BMP1: variants seen among roughly 807,000 people sequenced by gnomAD.
The protein encoded by BMP1 is mammalian tolloid protein.
A neutral mutation model predicts 116.8 loss-of-function variants in BMP1; 63 were observed. The ratio of observed to expected loss-of-function variants is 0.54; its 90% confidence interval spans 0.44 to 0.67. BMP1 has a LOEUF of 0.67. Among genes scored for constraint, BMP1 ranks in the 30% least tolerant of loss-of-function variants. BMP1 has a pLI of 0.00. For synonymous variants in BMP1, 536 were observed against 533.4 expected (o/e 1.00, Z -0.07); for missense variants, 1,183 against 1,358.9 (o/e 0.87, Z 2.04).
chr8:22,196,143 A>G (rs775098712), intron 13 of BMP1: 8 of 500,854 alleles, frequency 1.6e-5, no homozygotes, highest in South Asian at 8.8e-5. Context: ...TTTGTAAATG[A>G]CCATCTTGAC....
chr8:22,211,538 G>T, intron 19 of BMP1, 56 bp from the exon 20 acceptor site: 1 of 1,609,830 alleles, frequency 6.2e-7, no homozygotes, highest in Non-Finnish European at 8.5e-7. Flanking sequence ...TGGGGAGGCA[G>T]GACAGCAGCC....
intron 9 of BMP1, 199 bp downstream of exon 9, chr8:22,192,350 C>A (rs1828959548): frequency 3.9e-6 from 2 of 514,818 alleles, no homozygotes; most frequent in Non-Finnish European, 7.1e-6. Context: ...GTCCTGTCCT[C>A]AATCTGGACT....
chr8:22,174,140 G>A (rs190991745), intron 2 of BMP1, among the ~76,000 whole-genome samples: 2 of 152,170 alleles, frequency 1.3e-5, no homozygotes, highest in Admixed American at 1.3e-4. Flanking sequence ...CTGAGACTCT[G>A]CCCAACACTG....
chr8:22,209,631 A>C lies in BMP1; in HGVS notation c.2762A>C (p.Tyr921Ser). 1.9e-6 allele frequency: 3 copies of C among 1,614,054 alleles called. No individual in the cohort carries two copies. Among genetic ancestry groups the C allele is most frequent in the East Asian group, 2.2e-5 (1 of 44,840 alleles). The change falls in exon 19 of 20, where the codon TAC (tyrosine) becomes TCC (serine). Residue 921 changes from tyrosine (Y) to serine (S), a missense_variant. Physicochemically the swap from Tyr to Ser is moderately radical, Grantham distance 144. Around this residue, in one of 4 missense-constraint regions of BMP1, gnomAD observed 956 missense variants for 1,135.2 expected, o/e 0.84. Coordinates refer to ENST00000306385, the MANE Select transcript of BMP1 (RefSeq NM_006129.5). ...GAGGAGACCGACTGCGGCTATGACT[A>C]CATGGAGCTCTTCGACGGCTACGAC... ...VEEETDCGYD[Y>S]MELFDGYDST...
chr8:22,168,716 T>C (rs991480614), intron 1 of BMP1, among the ~76,000 whole-genome samples: 2 of 152,180 alleles, frequency 1.3e-5, no homozygotes, highest in South Asian at 2.1e-4. Flanking sequence ...CCAGACCACA[T>C]TCCCCCTCTA....
At chr8:22,172,195 TTGCTGTGGGTGGAGCTGCAGGGAAGC>T (rs1214718434) in intron 1 of BMP1, among the ~76,000 whole-genome samples, 3 of 152,224 alleles carry the variant, frequency 2.0e-5, no homozygotes, top group Non-Finnish European at 4.4e-5. Flanking sequence ...GAAGCAGATG[TTGCTGTGGGTGGAGCTGCAGGGAAGC>T]TGCTGTGGGT....
chr8:22,180,432 C>G lies in BMP1; in HGVS notation c.1026C>G (p.Tyr342Ter). 6.2e-7 allele frequency: 1 copy of G among 1,614,124 alleles called. No individual in the cohort carries two copies. The highest frequency in any genetic ancestry group is 8.5e-7 in the Non-Finnish European group (1 of 1,179,982). ...CCTCCCCTGAATACCCCAATGGCTACTCTGCTCACATGCACTGCGTGTGGC... is the reference window on the plus strand; with the variant it reads ...CCTCCCCTGAATACCCCAATGGCTAGTCTGCTCACATGCACTGCGTGTGGC... ...NFSSPEYPNG[Y>*]SAHMHCVWRI... The change falls in exon 8 of 20, where the codon TAC (tyrosine) becomes TAG (stop). Residue 342 changes from tyrosine (Y) to a stop codon, truncating the protein, a stop_gained. Transcript: ENST00000306385. LOFTEE classifies it high-confidence loss of function.
Position 22,179,747 on chromosome 8 carries a change from C to G in BMP1, c.879C>G (p.Asn293Lys). 1 of 1,614,026 alleles carries G rather than the reference C, an allele frequency of 6.2e-7. No homozygotes were observed. The highest frequency in any genetic ancestry group is 8.5e-7 in the Non-Finnish European group (1 of 1,179,970). Reference protein sequence around the residue: ...LDTIVPKYEVNGVKPPIGQRT... With the variant: ...LDTIVPKYEVKGVKPPIGQRT... ...CCATTGTCCCCAAGTATGAGGTGAA[C>G]GGGGTGAAACCTCCCATTGGCCAAA... is the stretch of plus-strand genomic sequence containing the variant. The change falls in exon 7 of 20, where the codon AAC (asparagine) becomes AAG (lysine). Residue 293 changes from asparagine to lysine, a missense_variant. By Grantham distance (94) the Asn-to-Lys change is moderately conservative (BLOSUM62 0). Transcript: ENST00000306385. This position sits in a 1 kb window ranked among gnomAD's most constrained non-coding sequence, Gnocchi z 4.6.
intron 2 of BMP1, 22 bp downstream of exon 2, chr8:22,173,737 C>T (rs572208344): frequency 6.4e-7 from 1 of 1,573,490 alleles, no homozygotes; most frequent in African/African-American, 1.4e-5. Context: ...GCCAATGGGC[C>T]CTCTGTGTCC....
At chr8:22,207,798 C>T (rs894333603) in intron 18 of BMP1, among the ~76,000 whole-genome samples, 12 of 152,330 alleles carry the variant, frequency 7.9e-5, no homozygotes, top group South Asian at 2.1e-4. Context: ...TGAGCGTACG[C>T]GGGCCACCGC....
rs975183632 is a variant in BMP1 at position 22,211,838 on chromosome 8, G to C, written c.*110G>C. On this transcript the variant is annotated 3_prime_UTR_variant, in exon 20 of 20. Coordinates refer to ENST00000306385, the MANE Select transcript of BMP1 (RefSeq NM_006129.5). ...ACCATCCCTCTCCCCCAGGCCCCAG[G>C]ACCTGCAGGGCCAATGGCCTGGTGA... is the stretch of plus-strand genomic sequence containing the variant. 6.5e-7 allele frequency: 1 copy of C among 1,534,444 alleles called. No homozygotes were observed. The highest frequency in any genetic ancestry group is 8.9e-7 in the Non-Finnish European group (1 of 1,127,432).
At chr8:22,180,515 C>G (rs776455120) in intron 8 of BMP1, 32 bp downstream of exon 8, 2 of 1,593,262 alleles carry the variant, frequency 1.3e-6, no homozygotes, top group Admixed American at 3.3e-5. Context: ...GAGCCTCCCC[C>G]TCCCCTGCGG....
intron 1 of BMP1, among the ~76,000 whole-genome samples, chr8:22,173,021 G>A (rs1411826481): frequency 1.3e-5 from 2 of 152,158 alleles, no homozygotes; most frequent in African/African-American, 4.8e-5. Context: ...AGCTCCCATT[G>A]CTATCTGGAA....
chr8:22,196,408 G>T, intron 13 of BMP1: 6 of 601,308 alleles, frequency 1.0e-5, no homozygotes, highest in South Asian at 9.1e-5. Context: ...CTCCCTCTTG[G>T]AGGACCTTGG....
At chr8:22,176,712 G>A in intron 4 of BMP1, 62 bp downstream of exon 4, 3 of 1,559,362 alleles carry the variant, frequency 1.9e-6, no homozygotes, top group Non-Finnish European at 2.7e-6. Context: ...TTCTGCCCTG[G>A]GCCCTGCCAC....
Position 22,179,732 on chromosome 8 carries a change from C to T in BMP1, c.864C>T (p.Pro288=), listed in dbSNP as rs1405181485. The T allele has an allele frequency of 1.2e-6, 2 of 1,613,978 alleles. No individual in the cohort carries two copies. Among genetic ancestry groups the T allele is most frequent in the African/African-American group, 2.7e-5 (2 of 74,922 alleles). The change falls in exon 7 of 20, where the codon CCC becomes CCT. Residue 288 remains proline, a synonymous_variant. Coordinates refer to ENST00000306385, the MANE Select transcript of BMP1 (RefSeq NM_006129.5). The surrounding 1 kb of genome is among the most constrained non-coding windows in gnomAD (Gnocchi z 4.6). ...SRGIFLDTIV[P]KYEVNGVKPP... ...GCATCTTCCTGGATACCATTGTCCC[C>T]AAGTATGAGGTGAACGGGGTGAAAC...
chr8:22,201,949 G>T (rs1437034501), intron 16 of BMP1, 21 bp downstream of exon 16: 1 of 1,601,032 alleles, frequency 6.2e-7, no homozygotes, highest in South Asian at 1.1e-5. Context: ...CATGCCAGGG[G>T]CATCTGGGCT....
At chr8:22,202,064 C>G in intron 16 of BMP1, 136 bp downstream of exon 16, 1 of 1,287,750 alleles carries the variant, frequency 7.8e-7, no homozygotes, top group Middle Eastern at 2.0e-4. Flanking sequence ...ATTCCCCCAC[C>G]CACCTGGTAC....
rs1458483915 is a variant in BMP1, at chr8:22,194,324, G to C, written c.1298-121G>C. The C allele has an allele frequency of 6.8e-7, 1 of 1,474,316 alleles. No homozygotes were observed. The highest frequency in any genetic ancestry group is 1.8e-5 in the Admixed American group (1 of 54,328). The allele number at this position is 1,474,316 out of a possible 1,614,324, so 91.3% of individuals were successfully genotyped here. On this transcript the variant is annotated intron_variant, in intron 10 of 19. Coordinates refer to ENST00000306385, the MANE Select transcript of BMP1 (RefSeq NM_006129.5). The surrounding 1 kb of genome is among the most constrained non-coding windows in gnomAD (Gnocchi z 4.5). ...TGGGATTGCCTGGGACTGGGGGTTT[G>C]GTGGGGAACTGAAAAGCTGGGGGAC...
Sources: gnomAD v4.1 joint callset for allele counts (sites outside exome capture counted in the v4.1 genomes callset) on GRCh38, gnomAD v4.1.1 for gene constraint, gnomAD v4.1.1 regional missense constraint, Gnocchi (gnomAD v3.1) non-coding constraint, MANE v1.5 for transcripts, NCBI Gene and HGNC (gene_info 2026-07-23, HGNC 2026-07-21) for gene names.